The following VDR variants were observed in gnomAD, a reference collection of about 807,000 sequenced individuals.
The protein encoded by VDR is vitamin D receptor, also known as vitamin D3 receptor.
In VDR, 19 loss-of-function variants were observed where a neutral mutation model predicts 39.7. The observed-to-expected ratio is 0.48, with a 90% confidence interval of 0.33 to 0.70. The LOEUF is 0.70. VDR is among the 30% of genes least tolerant of loss of function. The probability of loss-of-function intolerance (pLI) is 0.02; values close to 1 mark genes in which losing one functional copy is unlikely to be tolerated. For missense variants in VDR, 442 were observed against 570.5 expected (o/e 0.77, Z 2.29); for synonymous variants, 242 against 215.8 (o/e 1.12, Z -1.07).
At chr12:47,903,090 G>A (rs1175063426) in intron 1 of VDR, among the ~76,000 whole-genome samples, 1 of 152,224 alleles carries the variant, frequency 6.6e-6, no homozygotes, top group South Asian at 2.1e-4. Flanking sequence ...AAAGTCTGAT[G>A]GCCTCTGCCG....
At position 47,846,704 on chromosome 12, in the gene VDR, G is replaced by T. The variant is rs759321276; in HGVS notation, c.860C>A (p.Thr287Asn). The T allele has an allele frequency of 1.2e-6, 2 of 1,614,144 alleles. No individual in the cohort carries two copies. Among genetic ancestry groups the T allele is most frequent in the Non-Finnish European group, 1.7e-6 (2 of 1,180,052 alleles). ...GTACTTGTAGTCTTGGTTGCCACAG[G>T]TCCAGGACATGTCGTCCATGGTGAA... ...ESFTMDDMSW[T>N]CGNQDYKYRV... The change falls in exon 8 of 10, where the codon ACC becomes AAC. Residue 287 changes from threonine to asparagine, a missense_variant. This residue lies in a region of VDR where 173 missense variants were observed against 252.0 expected (regional missense o/e 0.69). Coordinates refer to ENST00000549336, the MANE Select transcript of VDR (RefSeq NM_000376.3).
chr12:47,871,703 G>T (rs1354292075), intron 3 of VDR, among the ~76,000 whole-genome samples: 1 of 152,126 alleles, frequency 6.6e-6, no homozygotes, highest in Non-Finnish European at 1.5e-5. Context: ...GACCTCAAAT[G>T]ATCCACCCAC....
chr12:47,898,949 G>A (rs1215471040), intron 1 of VDR, among the ~76,000 whole-genome samples: 1 of 152,204 alleles, frequency 6.6e-6, no homozygotes, highest in Non-Finnish European at 1.5e-5. Context: ...GGCTTTTAAG[G>A]TGCTGTGAAT....
chr12:47,879,843 G>C (rs1197274109), intron 2 of VDR, among the ~76,000 whole-genome samples: 1 of 151,952 alleles, frequency 6.6e-6, no homozygotes, highest in Non-Finnish European at 1.5e-5. Flanking sequence ...ACAATTAATT[G>C]TGTTTTCAGA....
intron 7 of VDR, among the ~76,000 whole-genome samples, chr12:47,854,431 G>T (rs889105491): frequency 2.6e-5 from 4 of 152,062 alleles, no homozygotes; most frequent in African/African-American, 9.7e-5. Context: ...GCCAGGAAAT[G>T]GTCTTTAAAT....
At chr12:47,874,292 T>C (rs1262428080) in intron 3 of VDR, among the ~76,000 whole-genome samples, 1 of 152,218 alleles carries the variant, frequency 6.6e-6, no homozygotes, top group African/African-American at 2.4e-5. Context: ...TGGTCACTCA[T>C]TTACTTGTGC....
chr12:47,854,126 T>C (rs889591576), intron 7 of VDR, among the ~76,000 whole-genome samples: 2 of 152,092 alleles, frequency 1.3e-5, no homozygotes, highest in African/African-American at 2.4e-5. Flanking sequence ...ATGGTCTTTA[T>C]TTTTTTCTTT....
rs1171686862 is a variant in VDR, at chr12:47,857,163, G to T, written c.549C>A (p.Ser183=). Residue 183 remains serine, a synonymous_variant, in exon 6 of 10, where the codon TCC becomes TCA. Transcript: ENST00000549336. The part of the protein sequence containing the change: ...RHTPSFSGDS[S]SSCSDHCITS... ...TGATACAGTGATCTGAGCAGGAGGA[G>T]GAGGAGTCCCCAGAGAAGCTGGGAG... 3.7e-6 allele frequency: 6 copies of T among 1,614,066 alleles called. No individual in the cohort carries two copies. The highest frequency in any genetic ancestry group is 5.1e-6 in the Non-Finnish European group (6 of 1,180,030).
rs762215811 is a variant in VDR, at chr12:47,855,488, C to T, written c.755+142G>A. The T allele has an allele frequency of 2.0e-4, 200 of 1,004,182 alleles. 1 individual carries two copies. Among genetic ancestry groups the T allele is most frequent in the Non-Finnish European group, 2.2e-4 (155 of 692,682 alleles). The allele number at this position is 1,004,182 out of a possible 1,614,324, so 62.2% of individuals were successfully genotyped here. A position where few individuals can be genotyped will look rare whatever the true frequency, so the allele number is the denominator to read the frequency against. ...TGAGCCGAGATCGCGCCACTGCACT[C>T]CAGCCTGCGTGACAGAGCAAGATGC... On this transcript the variant is annotated intron_variant, in intron 7 of 9. Transcript: ENST00000549336.
Position 47,867,409 on chromosome 12 carries a change from T to TTG in VDR, c.147-2234_147-2233dup, listed in dbSNP as rs10559544. On this transcript the variant is annotated intron_variant, in intron 3 of 9. Coordinates refer to ENST00000549336, the MANE Select transcript of VDR (RefSeq NM_000376.3). ...GTGGCACCCTTGTAGCCTATGTAAG[T>TTG]TGTGTGTGTGTGTGTGTGTGTGCAC... Among the ~76,000 whole-genome samples the TTG allele has an allele frequency of 6.5e-4, 98 of 150,936 alleles. 1 individual carries two copies. The highest frequency in any genetic ancestry group is 1.7e-3 in the African/African-American group (71 of 41,148).
At chr12:47,862,822 G>C (rs554954432) in intron 4 of VDR, among the ~76,000 whole-genome samples, 1 of 152,244 alleles carries the variant, frequency 6.6e-6, no homozygotes, top group African/African-American at 2.4e-5. Flanking sequence ...CCTGAAGCTG[G>C]ACTAACCTGA....
At chr12:47,868,994 G>C (rs1263333225) in intron 3 of VDR, among the ~76,000 whole-genome samples, 1 of 152,176 alleles carries the variant, frequency 6.6e-6, no homozygotes, top group African/African-American at 2.4e-5. Context: ...GCTTCTTGAG[G>C]CCCCAGGGCC....
At chr12:47,894,156 T>C (rs1382889593) in intron 1 of VDR, among the ~76,000 whole-genome samples, 1 of 152,180 alleles carries the variant, frequency 6.6e-6, no homozygotes, top group Non-Finnish European at 1.5e-5. Flanking sequence ...CAGGGTACTT[T>C]CCATAAATGC....
Position 47,846,467 on chromosome 12 carries a change from G to A in VDR, c.908-16C>T. 1.3e-6 allele frequency: 2 copies of A among 1,559,842 alleles called. No individual in the cohort carries two copies. The highest frequency in any genetic ancestry group is 1.2e-5 in the South Asian group (1 of 85,000). The stretch of plus-strand genomic sequence containing the variant: ...CTGTGTCCGGCTGTGAGAGACAATG[G>A]CCAGGTACTGCGGGCAGAGCTGAGG... On this transcript the variant is annotated splice_polypyrimidine_tract_variant and intron_variant, in intron 8 of 9. Coordinates refer to ENST00000549336, the MANE Select transcript of VDR (RefSeq NM_000376.3).
intron 3 of VDR, among the ~76,000 whole-genome samples, chr12:47,871,852 G>C (rs2137184112): frequency 6.6e-6 from 1 of 152,352 alleles, no homozygotes; most frequent in Admixed American, 6.5e-5. Flanking sequence ...ATGGGAATGA[G>C]CTTGAAGAAG....
At position 47,857,233 on chromosome 12, in the gene VDR, T is replaced by G. The variant is rs1485068642; in HGVS notation, c.479A>C (p.Asn160Thr). 6 of 1,614,166 alleles carry G rather than the reference T, an allele frequency of 3.7e-6. No individual in the cohort carries two copies. Among genetic ancestry groups the G allele is most frequent in the Non-Finnish European group, 5.1e-6 (6 of 1,180,020 alleles). ...FCQFRPPVRV[N>T]DGGGSHPSRP... ...GGAAGGATGGCTCCCTCCACCATCA[T>G]TCACACGAACTGGAGGCTGGAAGGG... Residue 160 changes from asparagine to threonine, a missense_variant, in exon 6 of 10, where the codon AAT (asparagine) becomes ACT (threonine). Transcript: ENST00000549336.
rs34365014 is a variant in VDR at position 47,876,219 on chromosome 12, CTG to C, written c.146+2747_146+2748del. On this transcript the variant is annotated intron_variant, in intron 3 of 9. Coordinates refer to ENST00000549336, the MANE Select transcript of VDR (RefSeq NM_000376.3). ...AGAATCCATGAATAATGAAGGTTGA[CTG>C]TGTGTGTGTGTGTGTGTGCATGTGT... Among the ~76,000 whole-genome samples, 323 of 150,392 alleles carry C rather than the reference CTG, an allele frequency of 2.1e-3. 1 individual carries two copies. Among genetic ancestry groups the C allele is most frequent in the African/African-American group, 7.2e-3 (295 of 40,992 alleles).
At chr12:47,890,130 A>G (rs1946340384) in intron 1 of VDR, among the ~76,000 whole-genome samples, 1 of 151,996 alleles carries the variant, frequency 6.6e-6, no homozygotes, top group Non-Finnish European at 1.5e-5. Flanking sequence ...ACATTTGGAC[A>G]GGACCAAGAG....
chr12:47,878,299 C>G (rs983373463), intron 3 of VDR, among the ~76,000 whole-genome samples: 1 of 152,208 alleles, frequency 6.6e-6, no homozygotes, highest in Admixed American at 6.5e-5. Context: ...CACGCTCCCA[C>G]CCTGGCTTTG....
Sources: allele counts gnomAD v4.1 joint callset (sites outside exome capture counted in the v4.1 genomes callset), GRCh38; gene constraint gnomAD v4.1.1; regional missense constraint gnomAD v4.1.1; transcripts MANE v1.5; gene names NCBI Gene and HGNC (gene_info 2026-07-23, HGNC 2026-07-21).